Variants in FOXRED1 observed in about 807,000 individuals in gnomAD.
The protein encoded by FOXRED1 is FAD-dependent oxidoreductase domain-containing protein 1.
In FOXRED1, 52 loss-of-function variants were observed where a neutral mutation model predicts 57.8. The ratio of observed to expected loss-of-function variants is 0.90; its 90% CI spans 0.72 to 1.13. The LOEUF (loss-of-function observed/expected upper bound fraction) is 1.13, where lower values mean the gene tolerates loss of function less well. Among genes scored for constraint, FOXRED1 ranks in the 50% most tolerant of loss-of-function variants. The pLI is 0.00. For synonymous variants in FOXRED1, 271 were observed against 248.3 expected (o/e 1.09, Z -0.86); for missense variants, 589 against 625.2 (o/e 0.94, Z 0.62).
Position 126,274,752 on chromosome 11 carries a change from T to G in FOXRED1, c.537-175T>G. The G allele has an allele frequency of 9.0e-6, 6 of 666,362 alleles. No homozygotes were observed. The allele number at this position is 666,362 out of a possible 1,614,324, so 41.3% of individuals were successfully genotyped here. Reference sequence around the variant, plus strand: ...GAAAGGCAGTCAAGGCTGAAGAGCCTGACTAGGAGGCTTGGTCTTCAGCCG... The same window carrying G: ...GAAAGGCAGTCAAGGCTGAAGAGCCGGACTAGGAGGCTTGGTCTTCAGCCG... On this transcript the variant is annotated intron_variant, in intron 4 of 10. Coordinates refer to ENST00000263578, the MANE Select transcript of FOXRED1 (RefSeq NM_017547.4). This position sits in a 1 kb window ranked among gnomAD's most constrained non-coding sequence, Gnocchi z 4.8.
At position 126,271,809 on chromosome 11, in the gene FOXRED1, AT is replaced by A. The variant is rs1409838556; in HGVS notation, c.306+156del. 5 of 707,624 alleles carry A rather than the reference AT, an allele frequency of 7.1e-6. No individual in the cohort carries two copies. Among genetic ancestry groups the A allele is most frequent in the Non-Finnish European group, 1.0e-5 (4 of 398,970 alleles). The allele number at this position is 707,624 out of a possible 1,614,324, so 43.8% of individuals were successfully genotyped here. The stretch of plus-strand genomic sequence containing the variant: ...ATTGTGCTTTGGACTTTGTTGAGAA[AT>A]TTTCCTAGGATCTTCCTCAGTCGAA... On this transcript the variant is annotated intron_variant, in intron 2 of 10. Transcript: ENST00000263578. This position sits in a 1 kb window ranked among gnomAD's most constrained non-coding sequence, Gnocchi z 5.3.
chr11:126,271,742 A>G lies in FOXRED1; in HGVS notation c.306+85A>G. 1 of 1,108,392 alleles carries G rather than the reference A, an allele frequency of 9.0e-7. No individual in the cohort carries two copies. Among genetic ancestry groups the G allele is most frequent in the South Asian group, 1.3e-5 (1 of 79,180 alleles). 68.7% of individuals were successfully genotyped at this position (1,108,392 alleles called of 1,614,324 possible). Reference sequence around the variant, plus strand: ...AGGACTCTAGCGACAAGGGAAGGAGAGGAGGGGAAGACCTCAATCTCGGAG... The same window carrying G: ...AGGACTCTAGCGACAAGGGAAGGAGGGGAGGGGAAGACCTCAATCTCGGAG... On this transcript the variant is annotated intron_variant, in intron 2 of 10. Transcript: ENST00000263578. This position sits in a 1 kb window ranked among gnomAD's most constrained non-coding sequence, Gnocchi z 5.3.
chr11:126,276,349 C>T lies in FOXRED1; in HGVS notation c.972-45C>T, dbSNP rs56321210. The T allele has an allele frequency of 1, 1,367,712 of 1,367,744 alleles. 683,840 individuals carry two copies. Among genetic ancestry groups the T allele is most frequent in the Middle Eastern group, 1 (4,526 of 4,526 alleles). 84.7% of individuals were successfully genotyped at this position (1,367,744 alleles called of 1,614,324 possible). On this transcript the variant is annotated intron_variant, in intron 8 of 10. Coordinates refer to ENST00000263578, the MANE Select transcript of FOXRED1 (RefSeq NM_017547.4). ...GGTGGACAGGGTTGGGGAGGGTTGCCGGCCATGCTGTTTCTGCAGTTCGTA... is the reference window on the plus strand; with the variant it reads ...GGTGGACAGGGTTGGGGAGGGTTGCTGGCCATGCTGTTTCTGCAGTTCGTA...
At position 126,275,756 on chromosome 11, in the gene FOXRED1, G is replaced by GC. The variant is rs930703938; in HGVS notation, c.734-37dup. 4.4e-6 allele frequency: 6 copies of GC among 1,366,062 alleles called. No homozygotes were observed. The highest frequency in any genetic ancestry group is 5.2e-6 in the Non-Finnish European group (5 of 954,670). The allele number at this position is 1,366,062 out of a possible 1,614,324, so 84.6% of individuals were successfully genotyped here. ...GAAATCCCCATTTCATTCCTCTTCA[G>GC]CACCTCTACGGCCTATTTTTCATTT... On this transcript the variant is annotated intron_variant, in intron 6 of 10. Transcript: ENST00000263578. This position sits in a 1 kb window ranked among gnomAD's most constrained non-coding sequence, Gnocchi z 5.9.
Position 126,269,422 on chromosome 11 carries a change from T to C in FOXRED1, c.85+131T>C, listed in dbSNP as rs555034172. ...GGTCGGCTTGGGGAAGGGGGTTAGCTTACCTACCAGAGCTTGTAGGGGCTG... is the reference window on the plus strand; with the variant it reads ...GGTCGGCTTGGGGAAGGGGGTTAGCCTACCTACCAGAGCTTGTAGGGGCTG... On this transcript the variant is annotated intron_variant, in intron 1 of 10. Coordinates refer to ENST00000263578, the MANE Select transcript of FOXRED1 (RefSeq NM_017547.4). 1,281 of 1,553,648 alleles carry C rather than the reference T, an allele frequency of 8.2e-4. 1 individual carries two copies. The highest frequency in any genetic ancestry group is 1.0e-3 in the Non-Finnish European group (1,193 of 1,145,644).
In FOXRED1 at chr11:126,274,558, G is replaced by C. The variant is rs1951078219; in HGVS notation, c.537-369G>C. The C allele has an allele frequency of 1.4e-4, 45 of 317,002 alleles. 1 individual carries two copies. Among genetic ancestry groups the C allele is most frequent in the South Asian group, 1.2e-3 (42 of 36,034 alleles). 19.6% of individuals were successfully genotyped at this position (317,002 alleles called of 1,614,324 possible). On this transcript the variant is annotated intron_variant, in intron 4 of 10. Transcript: ENST00000263578. The surrounding 1 kb of genome is among the most constrained non-coding windows in gnomAD (Gnocchi z 4.8). ...AGCTACTCCAGAGGCTGAAGCAGGA[G>C]AATCGCTTGAACCCGGGAGGAGGAG...
chr11:126,272,774 C>T lies in FOXRED1; in HGVS notation c.307-195C>T, dbSNP rs1391537419. The T allele has an allele frequency of 1.5e-6, 1 of 647,506 alleles. No individual in the cohort carries two copies. The highest frequency in any genetic ancestry group is 1.8e-5 in the African/African-American group (1 of 55,868). 40.1% of individuals were successfully genotyped at this position (647,506 alleles called of 1,614,324 possible). On this transcript the variant is annotated intron_variant, in intron 2 of 10. Coordinates refer to ENST00000263578, the MANE Select transcript of FOXRED1 (RefSeq NM_017547.4). This position sits in a 1 kb window ranked among gnomAD's most constrained non-coding sequence, Gnocchi z 4.6. Reference sequence around the variant, plus strand: ...GCTCTTTCCAGATGACTGACCCTCTCTGCTCTGCACATCCACTACTAATGA... The same window carrying T: ...GCTCTTTCCAGATGACTGACCCTCTTTGCTCTGCACATCCACTACTAATGA...
Position 126,277,059 on chromosome 11 carries a change from C to T in FOXRED1, c.1102-12C>T. 1.3e-6 allele frequency: 2 copies of T among 1,556,514 alleles called. No individual in the cohort carries two copies. The highest frequency in any genetic ancestry group is 1.1e-5 in the South Asian group (1 of 89,904). On this transcript the variant is annotated splice_polypyrimidine_tract_variant and intron_variant, in intron 9 of 10. Transcript: ENST00000263578. The surrounding 1 kb of genome is among the most constrained non-coding windows in gnomAD (Gnocchi z 6.8). Reference sequence around the variant, plus strand: ...CAGGCAATGTAAGCGTTGTCCCCACCTCTCACTCCAGCAGGAAGAACCGGA... The same window carrying T: ...CAGGCAATGTAAGCGTTGTCCCCACTTCTCACTCCAGCAGGAAGAACCGGA...
In FOXRED1 at chr11:126,275,031, G is replaced by A; in HGVS notation, c.631+10G>A. 6.3e-7 allele frequency: 1 copy of A among 1,577,950 alleles called. No homozygotes were observed. The highest frequency in any genetic ancestry group is 2.2e-5 in the East Asian group (1 of 44,716). On this transcript the variant is annotated intron_variant, in intron 5 of 10. Transcript: ENST00000263578. The surrounding 1 kb of genome is among the most constrained non-coding windows in gnomAD (Gnocchi z 5.9). ...GCTTTGGCGTCTTATGGTGAGGCTT[G>A]CTTGCAGAGGGGACAGCTTTTTTCC...
In FOXRED1 at chr11:126,278,063, T is replaced by G. The variant is rs576196293; in HGVS notation, c.*374T>G. 2.3e-4 allele frequency: 117 copies of G among 503,620 alleles called. No homozygotes were observed. Among genetic ancestry groups the G allele is most frequent in the Non-Finnish European group, 1.3e-4 (34 of 259,906 alleles). The allele number at this position is 503,620 out of a possible 1,614,324, so 31.2% of individuals were successfully genotyped here. A position where few individuals can be genotyped will look rare whatever the true frequency, so the allele number is the denominator to read the frequency against. On this transcript the variant is annotated 3_prime_UTR_variant, in exon 11 of 11. Transcript: ENST00000263578. This position sits in a 1 kb window ranked among gnomAD's most constrained non-coding sequence, Gnocchi z 4.8. Reference sequence around the variant, plus strand: ...TGGGAGCACTCTGGGGCAGCCTGGCTCAGGTTTATTGATTTTCGTCTGTTT... The same window carrying G: ...TGGGAGCACTCTGGGGCAGCCTGGCGCAGGTTTATTGATTTTCGTCTGTTT...
rs1227663724 is a variant in FOXRED1 at position 126,271,612 on chromosome 11, C to G, written c.261C>G (p.Ser87Arg). 6.2e-7 allele frequency: 1 copy of G among 1,614,036 alleles called. No homozygotes were observed. Among genetic ancestry groups the G allele is most frequent in the Admixed American group, 1.7e-5 (1 of 59,996 alleles). ...SVAYWLKKLE[S>R]RRGAIRVLVV... ...CCTATTGGCTGAAGAAGCTGGAGAG[C>G]AGACGAGGTGCTATTCGAGTGCTAG... is the stretch of plus-strand genomic sequence containing the variant. Residue 87 changes from serine to arginine, a missense_variant, in exon 2 of 11, where the codon AGC becomes AGG. Coordinates refer to ENST00000263578, the MANE Select transcript of FOXRED1 (RefSeq NM_017547.4). This position sits in a 1 kb window ranked among gnomAD's most constrained non-coding sequence, Gnocchi z 5.3.
chr11:126,269,719 C>A (rs971932976), intron 1 of FOXRED1, among the ~76,000 whole-genome samples: 3 of 151,924 alleles, frequency 2.0e-5, no homozygotes, highest in Non-Finnish European at 4.4e-5. Flanking sequence ...AGAGGCCGGG[C>A]GCGGGGCCTG....
chr11:126,274,765 TG>T lies in FOXRED1; in HGVS notation c.537-160del. ...GGCTGAAGAGCCTGACTAGGAGGCT[TG>T]GTCTTCAGCCGCTCAGCAATGAGGA... On this transcript the variant is annotated intron_variant, in intron 4 of 10. Coordinates refer to ENST00000263578, the MANE Select transcript of FOXRED1 (RefSeq NM_017547.4). This position sits in a 1 kb window ranked among gnomAD's most constrained non-coding sequence, Gnocchi z 4.8. 2.9e-6 allele frequency: 2 copies of T among 685,940 alleles called. No homozygotes were observed. The highest frequency in any genetic ancestry group is 5.4e-6 in the Non-Finnish European group (2 of 370,564). 42.5% of individuals were successfully genotyped at this position (685,940 alleles called of 1,614,324 possible). A position where few individuals can be genotyped will look rare whatever the true frequency, so the allele number is the denominator to read the frequency against.
Position 126,273,503 on chromosome 11 carries a change from G to C in FOXRED1, c.536+49G>C. The C allele has an allele frequency of 8.2e-7, 1 of 1,222,726 alleles. No individual in the cohort carries two copies. Among genetic ancestry groups the C allele is most frequent in the Non-Finnish European group, 1.2e-6 (1 of 823,924 alleles). 75.7% of individuals were successfully genotyped at this position (1,222,726 alleles called of 1,614,324 possible). A position where few individuals can be genotyped will look rare whatever the true frequency, so the allele number is the denominator to read the frequency against. On this transcript the variant is annotated intron_variant, in intron 4 of 10. Coordinates refer to ENST00000263578, the MANE Select transcript of FOXRED1 (RefSeq NM_017547.4). The surrounding 1 kb of genome is among the most constrained non-coding windows in gnomAD (Gnocchi z 5.9). ...AGCTGCTTGGCAGCCAAAGGTGTTG[G>C]GTGACTCCTGCACCAGGTTAGGAAG...
At position 126,273,414 on chromosome 11, in the gene FOXRED1, A is replaced by G; in HGVS notation, c.496A>G (p.Lys166Glu). 1 of 1,613,950 alleles carries G rather than the reference A, an allele frequency of 6.2e-7. No individual in the cohort carries two copies. The highest frequency in any genetic ancestry group is 8.5e-7 in the Non-Finnish European group (1 of 1,179,998). ...GGGCTACCTCTTGCTGGCTTCAGAAAAGGATGCTGCAGCCATGGAGAGCAA... is the reference window on the plus strand; with the variant it reads ...GGGCTACCTCTTGCTGGCTTCAGAAGAGGATGCTGCAGCCATGGAGAGCAA... Reference protein sequence around the residue: ...PSGYLLLASEKDAAAMESNVK... With the variant: ...PSGYLLLASEEDAAAMESNVK... The change falls in exon 4 of 11, where the codon AAG becomes GAG. Residue 166 changes from lysine to glutamate, a missense_variant. Lys to Glu is a moderately conservative substitution (Grantham distance 56, BLOSUM62 1). Transcript: ENST00000263578. The surrounding 1 kb of genome is among the most constrained non-coding windows in gnomAD (Gnocchi z 5.9).
At chr11:126,270,732 T>C (rs998180961) in intron 1 of FOXRED1, among the ~76,000 whole-genome samples, 2 of 152,206 alleles carry the variant, frequency 1.3e-5, no homozygotes, top group Admixed American at 6.5e-5. Context: ...GGAAAACTCA[T>C]TGGAGGGTTT....
rs778138909 is a variant in FOXRED1 at position 126,271,542 on chromosome 11, C to T, written c.191C>T (p.Ser64Leu). 22 of 1,614,036 alleles carry T rather than the reference C, an allele frequency of 1.4e-5. No individual in the cohort carries two copies. The highest frequency in any genetic ancestry group is 3.3e-4 in the Middle Eastern group (2 of 6,084). Residue 64 changes from serine to leucine, a missense_variant, in exon 2 of 11, where the codon TCG becomes TTG. Physicochemically the swap from Ser to Leu is moderately radical, Grantham distance 145. Coordinates refer to ENST00000263578, the MANE Select transcript of FOXRED1 (RefSeq NM_017547.4). The surrounding 1 kb of genome is among the most constrained non-coding windows in gnomAD (Gnocchi z 5.3). ...QDTSHLPPEH[S>L]DVVIVGGGVL... ...ACCAGCCACCTGCCTCCCGAGCACTCGGATGTGGTGATCGTGGGAGGTGGG... is the reference window on the plus strand; with the variant it reads ...ACCAGCCACCTGCCTCCCGAGCACTTGGATGTGGTGATCGTGGGAGGTGGG...
At position 126,275,281 on chromosome 11, in the gene FOXRED1, C is replaced by T; in HGVS notation, c.632-46C>T. On this transcript the variant is annotated intron_variant, in intron 5 of 10. Coordinates refer to ENST00000263578, the MANE Select transcript of FOXRED1 (RefSeq NM_017547.4). The surrounding 1 kb of genome is among the most constrained non-coding windows in gnomAD (Gnocchi z 5.9). ...GGGCACAGGAAATACAATCCAAGAG[C>T]AGAAGTCCTCATCCCTCTTTGTGAG... 7.4e-7 allele frequency: 1 copy of T among 1,356,202 alleles called. No homozygotes were observed. Among genetic ancestry groups the T allele is most frequent in the Non-Finnish European group, 1.1e-6 (1 of 944,722 alleles). The allele number at this position is 1,356,202 out of a possible 1,614,324, so 84.0% of individuals were successfully genotyped here.
At chr11:126,270,134 C>T (rs1279348779) in intron 1 of FOXRED1, among the ~76,000 whole-genome samples, 1 of 152,070 alleles carries the variant, frequency 6.6e-6, no homozygotes, top group African/African-American at 2.4e-5. Context: ...GGTGTGTGTT[C>T]CAGTCTCTAA....
Sources: gnomAD v4.1 joint callset for allele counts (sites outside exome capture counted in the v4.1 genomes callset) on GRCh38, gnomAD v4.1.1 for gene constraint, Gnocchi (gnomAD v3.1) non-coding constraint, MANE v1.5 for transcripts, NCBI Gene and HGNC (gene_info 2026-07-23, HGNC 2026-07-21) for gene names.